NLGN4Y: variants seen among roughly 807,000 people sequenced by gnomAD.
NLGN4Y encodes neuroligin 4 Y-linked, also known as neuroligin-4, Y-linked.
A neutral mutation model predicts 8.4 loss-of-function variants in NLGN4Y; 4 were observed. The ratio of observed to expected loss-of-function variants is 0.48; its 90% CI spans 0.23 to 1.09. The LOEUF is 1.09. Ranked by LOEUF, NLGN4Y falls within the 50% of genes least tolerant of loss-of-function variation. The probability of loss-of-function intolerance (pLI) is 0.19; values close to 1 mark genes in which losing one functional copy is unlikely to be tolerated. For synonymous variants in NLGN4Y, 35 were observed against 75.6 expected (o/e 0.46, Z 2.78); for missense variants, 90 against 192.3 (o/e 0.47, Z 3.15).
At chrY:14,764,557 T>C in intron 4 of NLGN4Y, among the ~76,000 whole-genome samples, 1 of 33,701 alleles carries the variant, frequency 3.0e-5, no homozygotes, top group Admixed American at 2.7e-4. Flanking sequence ...AATAACATAA[T>C]CTGGGATGGG....
intron 4 of NLGN4Y, among the ~76,000 whole-genome samples, chrY:14,742,506 A>C: frequency 3.0e-5 from 1 of 32,811 alleles, no homozygotes; most frequent in Non-Finnish European, 7.5e-5. Context: ...ACACACACAC[A>C]TACATATATA....
intron 4 of NLGN4Y, among the ~76,000 whole-genome samples, chrY:14,808,481 T>G (rs2043065028): frequency 8.8e-5 from 3 of 34,254 alleles, no homozygotes; most frequent in African/African-American, 3.4e-4. Flanking sequence ...TCAGACTGAA[T>G]CCATTGAATC....
At chrY:14,760,151 A>G in intron 4 of NLGN4Y, among the ~76,000 whole-genome samples, 5 of 33,495 alleles carry the variant, frequency 1.5e-4, no homozygotes, top group Admixed American at 1.4e-3. Flanking sequence ...ATAGCAGTAA[A>G]TTTATCTTTA....
intron 2 of NLGN4Y, among the ~76,000 whole-genome samples, chrY:14,672,306 C>T (rs1603502354): frequency 3.2e-5 from 1 of 31,525 alleles, no homozygotes; most frequent in Non-Finnish European, 7.6e-5. Flanking sequence ...GGGAGGATTA[C>T]GAGATCAGGA....
chrY:14,793,916 G>A, intron 4 of NLGN4Y: 2 of 27,356 alleles, frequency 7.3e-5, no homozygotes, highest in South Asian at 9.4e-4. Flanking sequence ...GCCTGAACCC[G>A]GGAGGTGGAC....
intron 1 of NLGN4Y, among the ~76,000 whole-genome samples, chrY:14,556,724 C>G (rs988920200): frequency 1.5e-4 from 5 of 32,900 alleles, no homozygotes; most frequent in Non-Finnish European, 3.0e-4. Context: ...TTTCCCTTTT[C>G]TATGGGCACA....
Position 14,844,617 on chromosome Y carries a change from T to A in NLGN4Y, c.*3355T>A. On this transcript the variant is annotated 3_prime_UTR_variant, in exon 7 of 7. Transcript: ENST00000684976. ...CACCAAGAAGTTATACAGCAAACAC[T>A]TGTAAGTCAAGGTCTTGCATGATAA... is the stretch of plus-strand genomic sequence containing the variant. 1 of 33,651 alleles carries A rather than the reference T, an allele frequency of 3.0e-5. No individual in the cohort carries two copies. Among genetic ancestry groups the A allele is most frequent in the East Asian group, 7.8e-4 (1 of 1,276 alleles). The allele number at this position is 33,651 out of a possible 400,897, so 8.4% of individuals were successfully genotyped here. A position where few individuals can be genotyped will look rare whatever the true frequency, so the allele number is the denominator to read the frequency against.
At chrY:14,550,783 A>C (rs2080190179) in intron 1 of NLGN4Y, among the ~76,000 whole-genome samples, 1 of 33,877 alleles carries the variant, frequency 3.0e-5, no homozygotes, top group Non-Finnish European at 7.3e-5. Context: ...GGGTAACCCG[A>C]GCTTTCTCTC....
intron 2 of NLGN4Y, among the ~76,000 whole-genome samples, chrY:14,647,310 G>A: frequency 2.9e-5 from 1 of 33,957 alleles, no homozygotes. Context: ...AGTAACATAT[G>A]TATGTAACAT....
At chrY:14,616,657 G>A in intron 1 of NLGN4Y, among the ~76,000 whole-genome samples, 1 of 33,246 alleles carries the variant, frequency 3.0e-5, no homozygotes, top group Non-Finnish European at 7.4e-5. Flanking sequence ...GTTCTCACTA[G>A]TTTCAAATAA....
At chrY:14,620,951 G>A (rs2080505439) in intron 1 of NLGN4Y, among the ~76,000 whole-genome samples, 1 of 33,676 alleles carries the variant, frequency 3.0e-5, no homozygotes, top group Admixed American at 2.7e-4. Context: ...ACAGGGTGAA[G>A]AGGATACCCT....
At chrY:14,687,628 T>G (rs776798184) in intron 2 of NLGN4Y, among the ~76,000 whole-genome samples, 23 of 32,793 alleles carry the variant, frequency 7.0e-4, no homozygotes, top group African/African-American at 2.7e-3. Context: ...TCCATCCCCA[T>G]GATTCTGTTA....
At chrY:14,598,745 G>A (rs2080415979) in intron 1 of NLGN4Y, among the ~76,000 whole-genome samples, 1 of 31,683 alleles carries the variant, frequency 3.2e-5, no homozygotes, top group South Asian at 7.4e-4. Context: ...AGGACTGCCA[G>A]CAATGCTGTC....
intron 1 of NLGN4Y, among the ~76,000 whole-genome samples, chrY:14,543,878 A>C (rs2080159623): frequency 3.0e-5 from 1 of 33,592 alleles, no homozygotes; most frequent in Non-Finnish European, 7.4e-5. Context: ...ATGCATACAC[A>C]CATGTGTACG....
chrY:14,805,145 G>A, intron 4 of NLGN4Y, among the ~76,000 whole-genome samples: 1 of 33,130 alleles, frequency 3.0e-5, no homozygotes, highest in Non-Finnish European at 7.4e-5. Context: ...GTCCAGTACT[G>A]GACCATAGCC....
chrY:14,738,323 G>C (rs764412321), intron 4 of NLGN4Y, among the ~76,000 whole-genome samples: 3 of 32,562 alleles, frequency 9.2e-5, no homozygotes, highest in South Asian at 6.7e-4. Context: ...GCAATAAAAA[G>C]AGACGCTATT....
intron 1 of NLGN4Y, among the ~76,000 whole-genome samples, chrY:14,573,721 C>T (rs2080284726): frequency 3.0e-5 from 1 of 33,524 alleles, no homozygotes; most frequent in South Asian, 6.6e-4. Context: ...CCTGCTTTCT[C>T]TTGTGGGCAT....
chrY:14,693,202 G>T, intron 2 of NLGN4Y, among the ~76,000 whole-genome samples: 1 of 32,326 alleles, frequency 3.1e-5, no homozygotes, highest in African/African-American at 1.2e-4. Context: ...GAAAGATTTT[G>T]TCTGCCTGCC....
chrY:14,643,829 T>C (rs928423728), intron 2 of NLGN4Y, among the ~76,000 whole-genome samples: 19 of 33,940 alleles, frequency 5.6e-4, no homozygotes, highest in African/African-American at 2.1e-3. Context: ...AGAGTTTCAT[T>C]GTAGAGCGTT....
Sources: allele counts gnomAD v4.1 joint callset (sites outside exome capture counted in the v4.1 genomes callset), GRCh38; gene constraint gnomAD v4.1.1; transcripts MANE v1.5; gene names NCBI Gene and HGNC (gene_info 2026-07-23, HGNC 2026-07-21).